The following WWOX variants were observed in gnomAD, a reference collection of about 807,000 sequenced individuals.
WWOX encodes WW domain-containing oxidoreductase.
A neutral mutation model predicts 46.2 loss-of-function variants in WWOX; 69 were observed. That is an observed-to-expected ratio of 1.49 (90% CI 1.23 to 1.82). The LOEUF is 1.82. Among genes scored for constraint, WWOX ranks in the 40% most tolerant of loss-of-function variants. The pLI is 0.00. For synonymous variants in WWOX, 359 were observed against 202.6 expected, an observed-to-expected ratio of 1.77 and a Z score of -6.56; for missense variants, 919 against 542.6, an observed-to-expected ratio of 1.69 and a Z score of -6.89.
chr16:78,390,555 A>C (rs548973324), intron 6 of WWOX, among the ~76,000 whole-genome samples: 1 of 152,298 alleles, frequency 6.6e-6, no homozygotes, highest in African/African-American at 2.4e-5. Context: ...CATGGCTTAG[A>C]GAAATACTGT....
At chr16:78,416,113 A>AG (rs1301926836) in intron 6 of WWOX, among the ~76,000 whole-genome samples, 194 of 152,294 alleles carry the variant, frequency 1.3e-3, no homozygotes, top group African/African-American at 4.5e-3. Context: ...AAGAAGAAGA[A>AG]AAAAAATCAG....
At chr16:78,910,649 A>T (rs748583214) in intron 8 of WWOX, among the ~76,000 whole-genome samples, 9 of 151,994 alleles carry the variant, frequency 5.9e-5, no homozygotes, top group Non-Finnish European at 1.3e-4. Context: ...TGTCACCATT[A>T]TGGCAGAAGG....
intron 8 of WWOX, among the ~76,000 whole-genome samples, chr16:78,480,089 G>C (rs1352532264): frequency 6.6e-6 from 1 of 152,172 alleles, no homozygotes; most frequent in African/African-American, 2.4e-5. Flanking sequence ...GTCAGAAATA[G>C]TGAAGCTTCT....
chr16:78,343,555 C>T lies in WWOX; in HGVS notation c.517-43305C>T, dbSNP rs1471207316. On this transcript the variant is annotated intron_variant, in intron 5 of 8. Transcript: ENST00000566780. ...CTGGGCACAGCCCCCCTTGAGTCTT[C>T]ATTATGGCAAATCTAGTGCAGGTGC... 7.4e-5 allele frequency among the ~76,000 whole-genome samples: 9 copies of T among 120,966 alleles called. 3 individuals are homozygous for T. The highest frequency in any genetic ancestry group is 1.6e-4 in the Non-Finnish European group (8 of 50,696). 79.4% of individuals were successfully genotyped at this position (120,966 alleles called of 152,430 possible).
chr16:78,615,624 C>A (rs967642690), intron 8 of WWOX, among the ~76,000 whole-genome samples: 1 of 151,722 alleles, frequency 6.6e-6, no homozygotes, highest in African/African-American at 2.4e-5. Context: ...CCACTGTATT[C>A]CAGTCTGGGC....
At chr16:79,170,428 C>T (rs927107149) in intron 8 of WWOX, among the ~76,000 whole-genome samples, 1 of 152,178 alleles carries the variant, frequency 6.6e-6, no homozygotes, top group Non-Finnish European at 1.5e-5. Context: ...TTATAGGGAG[C>T]ATCCTGCAAT....
At chr16:78,745,740 CTCCTCCTCCCTCT>C (rs891359575) in intron 8 of WWOX, among the ~76,000 whole-genome samples, 18 of 151,482 alleles carry the variant, frequency 1.2e-4, no homozygotes, top group African/African-American at 4.4e-4. Context: ...CCTCCTCCTT[CTCCTCCTCCCTCT>C]TCCTCCTCTT....
intron 8 of WWOX, among the ~76,000 whole-genome samples, chr16:78,702,035 A>G (rs907997575): frequency 1.6e-5 from 2 of 127,862 alleles, no homozygotes; most frequent in Admixed American, 7.8e-5. Flanking sequence ...ATATATATAT[A>G]TATATATATA....
intron 8 of WWOX, among the ~76,000 whole-genome samples, chr16:78,842,797 A>T (rs1466726402): frequency 3.0e-5 from 4 of 132,834 alleles, no homozygotes; most frequent in Admixed American, 1.5e-4. Context: ...GGTTGCAGTC[A>T]ACCAAGATCA....
intron 8 of WWOX, among the ~76,000 whole-genome samples, chr16:78,881,157 C>G (rs4888871): frequency 6.6e-6 from 1 of 151,574 alleles, no homozygotes; most frequent in Non-Finnish European, 1.5e-5. Flanking sequence ...CATGCCTGCC[C>G]AATTTTTGTT....
chr16:79,034,527 G>C (rs1046016995), intron 8 of WWOX, among the ~76,000 whole-genome samples: 2 of 152,148 alleles, frequency 1.3e-5, no homozygotes, highest in African/African-American at 4.8e-5. Context: ...CCCCCTCACC[G>C]AATGATCAGG....
At chr16:78,563,357 G>A (rs888696682) in intron 8 of WWOX, among the ~76,000 whole-genome samples, 2 of 151,838 alleles carry the variant, frequency 1.3e-5, no homozygotes, top group African/African-American at 4.8e-5. Flanking sequence ...TGGAGCAGCT[G>A]CAGATTCAGG....
intron 6 of WWOX, among the ~76,000 whole-genome samples, chr16:78,420,575 C>G (rs937293528): frequency 6.6e-6 from 1 of 151,000 alleles, no homozygotes; most frequent in East Asian, 2.0e-4. Context: ...ATAGGCGAAT[C>G]TATAGGACAG....
chr16:78,355,207 A>C (rs1309353426), intron 5 of WWOX, among the ~76,000 whole-genome samples: 1 of 151,402 alleles, frequency 6.6e-6, no homozygotes, highest in Non-Finnish European at 1.5e-5. Context: ...CTATTAGGAA[A>C]CCCCTTTTTT....
At chr16:78,477,840 C>A (rs571811331) in intron 8 of WWOX, among the ~76,000 whole-genome samples, 6 of 152,006 alleles carry the variant, frequency 3.9e-5, no homozygotes, top group Non-Finnish European at 5.9e-5. Flanking sequence ...AAATCTGATT[C>A]TTTTACTATG....
chr16:78,414,247 C>T (rs564346108), intron 6 of WWOX, among the ~76,000 whole-genome samples: 5 of 152,194 alleles, frequency 3.3e-5, no homozygotes, highest in African/African-American at 1.2e-4. Context: ...CTTTTTCAAA[C>T]TCCGTCTGCC....
intron 5 of WWOX, among the ~76,000 whole-genome samples, chr16:78,295,514 C>G (rs1946909965): frequency 6.6e-6 from 1 of 152,154 alleles, no homozygotes; most frequent in Non-Finnish European, 1.5e-5. Context: ...GAGTTCAAGA[C>G]CAGCCTGGCC....
intron 8 of WWOX, among the ~76,000 whole-genome samples, chr16:78,702,153 A>G (rs1339754911): frequency 7.3e-6 from 1 of 137,134 alleles, no homozygotes; most frequent in South Asian, 2.2e-4. Flanking sequence ...GGTGGCATGC[A>G]ACTGCAGTGT....
chr16:78,680,006 C>T (rs752517394), intron 8 of WWOX, among the ~76,000 whole-genome samples: 2 of 152,226 alleles, frequency 1.3e-5, no homozygotes, highest in East Asian at 1.9e-4. Context: ...TGACTCCATG[C>T]GCTCCTATCG....
Sources: gnomAD v4.1 joint callset for allele counts (sites outside exome capture counted in the v4.1 genomes callset) on GRCh38, gnomAD v4.1.1 for gene constraint, MANE v1.5 for transcripts, NCBI Gene and HGNC (gene_info 2026-07-23, HGNC 2026-07-21) for gene names.